The following FAM120A variants were observed in gnomAD, a reference collection of about 807,000 sequenced individuals.
FAM120A encodes family with sequence similarity 120 member A.
Under a neutral mutation model 109.7 loss-of-function variants are expected in FAM120A, and 15 were observed. That is an observed-to-expected ratio of 0.14 (90% CI 0.09 to 0.21). FAM120A has a LOEUF of 0.21. Among genes scored for constraint, FAM120A ranks in the 10% least tolerant of loss-of-function variants. The pLI is 1.00. For synonymous variants in FAM120A, 493 were observed against 572.8 expected, an observed-to-expected ratio of 0.86 and a Z score of 1.99; for missense variants, 899 against 1,439.3, an observed-to-expected ratio of 0.62 and a Z score of 6.07.
At chr9:93,529,636 A>G (rs774649494) in intron 9 of FAM120A, 56 bp downstream of exon 9, 3 of 1,481,964 alleles carry the variant, frequency 2.0e-6, no homozygotes, top group Non-Finnish European at 1.9e-6. Flanking sequence ...GGCCATTCCT[A>G]TGGGTGTTTT....
At chr9:93,562,359 G>C in intron 17 of FAM120A, 55 bp downstream of exon 17, 1 of 1,378,642 alleles carries the variant, frequency 7.3e-7, no homozygotes, top group Non-Finnish European at 1.0e-6. Context: ...GATGTCTCCT[G>C]TCTGAGCTTG....
chr9:93,535,055 A>G (rs1861465597), intron 10 of FAM120A, among the ~76,000 whole-genome samples: 1 of 152,330 alleles, frequency 6.6e-6, no homozygotes, highest in African/African-American at 2.4e-5. Context: ...TTTCATAAAC[A>G]TTTATGTCTT....
At position 93,558,028 on chromosome 9, in the gene FAM120A, T is replaced by C. The variant is rs1298159630; in HGVS notation, c.2668+18T>C. On this transcript the variant is annotated intron_variant, in intron 14 of 17. Transcript: ENST00000277165. The stretch of plus-strand genomic sequence containing the variant: ...CTTTGCAGGTGAGTTGATTGGGACG[T>C]ATTCCTGTGGGTAACAGATGCCAGA... The C allele has an allele frequency of 3.8e-6, 6 of 1,569,428 alleles. No individual in the cohort carries two copies. Among genetic ancestry groups the C allele is most frequent in the Admixed American group, 1.8e-5 (1 of 55,642 alleles).
intron 7 of FAM120A, among the ~76,000 whole-genome samples, chr9:93,522,809 C>T (rs1860899073): frequency 6.6e-6 from 1 of 152,150 alleles, no homozygotes; most frequent in Non-Finnish European, 1.5e-5. Context: ...CTTGTATCCC[C>T]CTCCCCTGTT....
chr9:93,527,640 T>TTTG (rs56924672), intron 8 of FAM120A, among the ~76,000 whole-genome samples: 1 of 143,214 alleles, frequency 7.0e-6, no homozygotes, highest in Non-Finnish European at 1.5e-5. Context: ...TTTTTTTTTT[T>TTTG]GAGATGGAGT....
rs556965470 is a variant in FAM120A, at chr9:93,478,333, T to C, written c.804+1995T>C. Among the ~76,000 whole-genome samples the C allele has an allele frequency of 3.1e-3, 476 of 152,186 alleles. 3 individuals carry two copies. Among genetic ancestry groups the C allele is most frequent in the African/African-American group, 0.011 (460 of 41,496 alleles). ...AAGCTTTATGCATGCATTTTGATAT[T>C]AGCTGAGTACTTTTATGGCATATTG... On this transcript the variant is annotated intron_variant, in intron 3 of 17. Transcript: ENST00000277165.
chr9:93,451,741 C>T lies in FAM120A; in HGVS notation c.-175C>T, dbSNP rs1231117418. On this transcript the variant is annotated 5_prime_UTR_variant, in exon 1 of 18. Transcript: ENST00000277165. ...CGGCAGGTCCCTCCCCAGACATGGCCCTGGGAGGCGGCAGCACATGGCGGC... is the reference window on the plus strand; with the variant it reads ...CGGCAGGTCCCTCCCCAGACATGGCTCTGGGAGGCGGCAGCACATGGCGGC... The T allele has an allele frequency of 1.0e-5, 10 of 984,864 alleles. No homozygotes were observed. Among genetic ancestry groups the T allele is most frequent in the East Asian group, 1.1e-4 (1 of 8,904 alleles). The allele number at this position is 984,864 out of a possible 1,614,324, so 61.0% of individuals were successfully genotyped here.
intron 3 of FAM120A, among the ~76,000 whole-genome samples, chr9:93,489,559 C>G (rs1350836748): frequency 1.3e-5 from 2 of 152,202 alleles, no homozygotes; most frequent in Non-Finnish European, 2.9e-5. Context: ...GGATGAAGAA[C>G]TTTTCTTTGT....
intron 1 of FAM120A, among the ~76,000 whole-genome samples, chr9:93,454,490 G>A (rs1857461871): frequency 6.6e-6 from 1 of 152,104 alleles, no homozygotes; most frequent in South Asian, 2.1e-4. Context: ...TCATGGACTG[G>A]CCTCTTTTCA....
At chr9:93,535,931 A>AT (rs1267894912) in intron 10 of FAM120A, among the ~76,000 whole-genome samples, 8 of 152,224 alleles carry the variant, frequency 5.3e-5, no homozygotes, top group African/African-American at 1.7e-4. Context: ...TGTTTATTAG[A>AT]TTTTAGCTGA....
Position 93,469,088 on chromosome 9 carries a change from C to T in FAM120A, c.475-2053C>T, listed in dbSNP as rs145409988. ...TGGATACTCTTCCTTGGAGGTCCTG[C>T]CCAGGGCCAGCCCCTCCTTTCAGGT... On this transcript the variant is annotated intron_variant, in intron 1 of 17. Coordinates refer to ENST00000277165, the MANE Select transcript of FAM120A (RefSeq NM_014612.5). Among the ~76,000 whole-genome samples the T allele has an allele frequency of 7.5e-4, 114 of 152,326 alleles. 2 individuals carry two copies. The East Asian group carries it at 0.015, about 20-fold the overall frequency.
chr9:93,505,987 A>G (rs998830310), intron 5 of FAM120A, among the ~76,000 whole-genome samples: 38 of 152,184 alleles, frequency 2.5e-4, no homozygotes, highest in African/African-American at 7.5e-4. Context: ...CTCTTCTGAC[A>G]TGTTGAGTGT....
intron 11 of FAM120A, among the ~76,000 whole-genome samples, chr9:93,546,665 A>T (rs1208843899): frequency 1.3e-5 from 2 of 152,182 alleles, no homozygotes; most frequent in Non-Finnish European, 2.9e-5. Flanking sequence ...GCCCTTTCTC[A>T]GCAGTGATCC....
intron 10 of FAM120A, among the ~76,000 whole-genome samples, chr9:93,537,409 G>A (rs754889806): frequency 2.0e-5 from 3 of 152,022 alleles, no homozygotes; most frequent in Non-Finnish European, 4.4e-5. Flanking sequence ...TCAGTGATTC[G>A]CACATTTTTA....
At chr9:93,523,251 G>A (rs1344057513) in intron 7 of FAM120A, 2 of 1,194,636 alleles carry the variant, frequency 1.7e-6, no homozygotes, top group Non-Finnish European at 2.2e-6. Context: ...GCTTGAAGAT[G>A]GTGTTGAATG....
Position 93,500,568 on chromosome 9 carries a change from G to T in FAM120A, c.1030+1682G>T, listed in dbSNP as rs189895829. ...AGTCTAGGGTAATGAGGGCCTATTA[G>T]TCACCTTTACTTTTATATCCCCAGT... is the stretch of plus-strand genomic sequence containing the variant. On this transcript the variant is annotated intron_variant, in intron 5 of 17. Coordinates refer to ENST00000277165, the MANE Select transcript of FAM120A (RefSeq NM_014612.5). The surrounding 1 kb of genome is among the most constrained non-coding windows in gnomAD (Gnocchi z 4.6). 2.2e-4 allele frequency among the ~76,000 whole-genome samples: 33 copies of T among 152,310 alleles called. No individual in the cohort carries two copies. In the East Asian group the frequency reaches 6.4e-3, roughly 29 times the overall value.
chr9:93,559,095 A>G (rs912812950), intron 15 of FAM120A, among the ~76,000 whole-genome samples: 12 of 152,226 alleles, frequency 7.9e-5, no homozygotes, highest in Non-Finnish European at 1.3e-4. Context: ...GAAAATGCTA[A>G]TGGTCACAGA....
intron 5 of FAM120A, among the ~76,000 whole-genome samples, chr9:93,508,869 C>T (rs748319332): frequency 3.3e-5 from 5 of 152,226 alleles, no homozygotes; most frequent in Non-Finnish European, 7.3e-5. Flanking sequence ...CACACGATCT[C>T]TCTCCAATAA....
rs75614815 is a variant in FAM120A, at chr9:93,523,217, G to A, written c.1419-3938G>A. The A allele has an allele frequency of 1.7e-3, 1,386 of 810,456 alleles. 22 individuals carry two copies. The African/African-American group carries it at 0.023, about 14-fold the overall frequency. 50.2% of individuals were successfully genotyped at this position (810,456 alleles called of 1,614,324 possible). A position where few individuals can be genotyped will look rare whatever the true frequency, so the allele number is the denominator to read the frequency against. On this transcript the variant is annotated intron_variant, in intron 7 of 17. Coordinates refer to ENST00000277165, the MANE Select transcript of FAM120A (RefSeq NM_014612.5). Reference sequence around the variant, plus strand: ...TCCCTTTGATCTGGTATCCCAGGAAGTTTGTGCCTGATGTGCCTCTTTTGC... The same window carrying A: ...TCCCTTTGATCTGGTATCCCAGGAAATTTGTGCCTGATGTGCCTCTTTTGC...
Sources: gnomAD v4.1 joint callset for allele counts (sites outside exome capture counted in the v4.1 genomes callset) on GRCh38, gnomAD v4.1.1 for gene constraint, Gnocchi (gnomAD v3.1) non-coding constraint, MANE v1.5 for transcripts, NCBI Gene and HGNC (gene_info 2026-07-23, HGNC 2026-07-21) for gene names.